Variants in SOX5 observed in about 807,000 individuals in gnomAD.
The protein encoded by SOX5 is transcription factor SOX-5.
In SOX5, 9 loss-of-function variants were observed where a neutral mutation model predicts 92.0. The observed-to-expected ratio is 0.10, with a 90% confidence interval of 0.06 to 0.17. SOX5 has a LOEUF of 0.17. SOX5 is among the 10% of genes least tolerant of loss of function. The pLI, the probability that SOX5 is intolerant of heterozygous loss-of-function variation, is 1.00. For synonymous variants in SOX5, 344 were observed against 336.3 expected (o/e 1.02, Z -0.25); for missense variants, 642 against 944.5 (o/e 0.68, Z 4.20).
At chr12:24,176,969 T>G (rs1279684118) in intron 4 of SOX5, among the ~76,000 whole-genome samples, 3 of 67,568 alleles carry the variant, frequency 4.4e-5, no homozygotes, top group African/African-American at 1.1e-4. Flanking sequence ...AGTCAAGTTT[T>G]GTTTTTTGTT....
At chr12:24,027,299 A>T (rs1954990397) in intron 4 of SOX5, among the ~76,000 whole-genome samples, 1 of 151,942 alleles carries the variant, frequency 6.6e-6, no homozygotes, top group African/African-American at 2.4e-5. Context: ...CAACACTCAG[A>T]TCTGCTCTCC....
chr12:23,965,444 G>A (rs544692996), intron 4 of SOX5, among the ~76,000 whole-genome samples: 24 of 152,216 alleles, frequency 1.6e-4, no homozygotes, highest in Admixed American at 1.1e-3. Context: ...CCTCAGGCAC[G>A]AAGACCAGAG....
intron 4 of SOX5, among the ~76,000 whole-genome samples, chr12:23,743,943 A>ATTATTTGT (rs1379840545): frequency 6.6e-6 from 1 of 152,224 alleles, no homozygotes; most frequent in Non-Finnish European, 1.5e-5. Flanking sequence ...GATTAACAAA[A>ATTATTTGT]TTATTTGTTT....
At chr12:24,111,651 A>T (rs1947358532) in intron 4 of SOX5, among the ~76,000 whole-genome samples, 1 of 152,148 alleles carries the variant, frequency 6.6e-6, no homozygotes, top group African/African-American at 2.4e-5. Context: ...GATGTTCCTT[A>T]TGTATGAATC....
intron 2 of SOX5, among the ~76,000 whole-genome samples, chr12:23,875,074 A>AT (rs1414063227): frequency 6.6e-6 from 1 of 152,036 alleles, no homozygotes; most frequent in Non-Finnish European, 1.5e-5. Context: ...AAGACAGTGG[A>AT]TTTTCTCTGT....
At chr12:24,360,045 T>C (rs1381173321) in intron 2 of SOX5, among the ~76,000 whole-genome samples, 3 of 152,188 alleles carry the variant, frequency 2.0e-5, no homozygotes, top group African/African-American at 7.2e-5. Context: ...AGAAGCTGAA[T>C]AAAATAAGGG....
At chr12:24,470,957 T>C (rs1944756568) in intron 1 of SOX5, among the ~76,000 whole-genome samples, 1 of 152,208 alleles carries the variant, frequency 6.6e-6, no homozygotes, top group Admixed American at 6.5e-5. Flanking sequence ...ATTGTTATTA[T>C]TAGATTTTAA....
chr12:23,938,047 C>T (rs189661248), intron 1 of SOX5, among the ~76,000 whole-genome samples: 1 of 150,724 alleles, frequency 6.6e-6, no homozygotes, highest in East Asian at 2.0e-4. Flanking sequence ...GGCACTATGT[C>T]GATCATTAGC....
intron 3 of SOX5, among the ~76,000 whole-genome samples, chr12:24,257,151 C>A (rs1291338851): frequency 6.6e-6 from 1 of 152,170 alleles, no homozygotes; most frequent in Non-Finnish European, 1.5e-5. Flanking sequence ...TTAAATGTTT[C>A]TTTCCTGCAA....
intron 4 of SOX5, among the ~76,000 whole-genome samples, chr12:23,982,443 G>C (rs754430062): frequency 1.1e-4 from 16 of 152,114 alleles, no homozygotes; most frequent in Non-Finnish European, 1.9e-4. Context: ...TCCATTCGGA[G>C]AATGTATGAG....
upstream of SOX5, among the ~76,000 whole-genome samples, chr12:23,951,583 AT>A (rs1181013644): frequency 1.3e-5 from 2 of 152,168 alleles, no homozygotes; most frequent in Non-Finnish European, 2.9e-5. Context: ...AAGCTTATAA[AT>A]TTTTAGACAA....
chr12:23,825,576 G>C (rs1287299664), intron 3 of SOX5, among the ~76,000 whole-genome samples: 4 of 152,158 alleles, frequency 2.6e-5, no homozygotes, highest in Admixed American at 1.3e-4. Context: ...GTTTGTATGC[G>C]TGTATTTATT....
At chr12:24,334,471 G>T (rs964902447) in intron 2 of SOX5, among the ~76,000 whole-genome samples, 3 of 152,030 alleles carry the variant, frequency 2.0e-5, no homozygotes, top group African/African-American at 4.8e-5. Flanking sequence ...AAAAATCAAA[G>T]AAGTTTAGAA....
At chr12:24,363,766 T>C (rs565731680) in intron 2 of SOX5, among the ~76,000 whole-genome samples, 2 of 151,542 alleles carry the variant, frequency 1.3e-5, no homozygotes, top group South Asian at 2.1e-4. Context: ...TACCCATATA[T>C]AGGAGCAGGT....
intron 4 of SOX5, among the ~76,000 whole-genome samples, chr12:24,055,302 C>G (rs1164866894): frequency 3.9e-5 from 6 of 152,096 alleles, no homozygotes; most frequent in Non-Finnish European, 7.4e-5. Context: ...CCCTGATTAT[C>G]AAAGAGGGAT....
chr12:23,786,834 T>C (rs1171226303), intron 3 of SOX5, among the ~76,000 whole-genome samples: 2 of 146,032 alleles, frequency 1.4e-5, no homozygotes, highest in African/African-American at 5.1e-5. Flanking sequence ...AGAAAAGTTA[T>C]AAAACAAAAA....
intron 8 of SOX5, among the ~76,000 whole-genome samples, chr12:23,637,301 C>T (rs1036094551): frequency 2.6e-5 from 4 of 152,068 alleles, no homozygotes; most frequent in African/African-American, 9.7e-5. Flanking sequence ...TTTATCACTA[C>T]CTACTTAAAA....
chr12:23,990,103 AG>A (rs1797100274), intron 4 of SOX5, among the ~76,000 whole-genome samples: 1 of 152,146 alleles, frequency 6.6e-6, no homozygotes. Context: ...AGATATAAAA[AG>A]GAAGGAAGGA....
chr12:24,017,206 C>T (rs1231977788), intron 4 of SOX5, among the ~76,000 whole-genome samples: 1 of 152,186 alleles, frequency 6.6e-6, no homozygotes, highest in African/African-American at 2.4e-5. Flanking sequence ...TCCTCTTTAT[C>T]CCTGTGCATT....
Sources: gnomAD v4.1 joint callset for allele counts (sites outside exome capture counted in the v4.1 genomes callset) on GRCh38, gnomAD v4.1.1 for gene constraint, MANE v1.5 for transcripts, NCBI Gene and HGNC (gene_info 2026-07-23, HGNC 2026-07-21) for gene names.